The following SLC24A2 variants were observed in gnomAD, a reference collection of about 807,000 sequenced individuals.
The protein encoded by SLC24A2 is solute carrier family 24 member 2.
A neutral mutation model predicts 62.0 loss-of-function variants in SLC24A2; 36 were observed. The ratio of observed to expected loss-of-function variants is 0.58; its 90% CI spans 0.44 to 0.77. The LOEUF is 0.77. Ranked by LOEUF, SLC24A2 falls within the 30% of genes least tolerant of loss-of-function variation. SLC24A2 has a pLI of 0.00. For missense variants in SLC24A2, 846 were observed against 817.9 expected (o/e 1.03, Z -0.42); for synonymous variants, 358 against 294.0 (o/e 1.22, Z -2.23).
the SLC24A2 span, among the ~76,000 whole-genome samples, chr9:19,805,048 A>G: frequency 1.1e-4 from 16 of 152,160 alleles, no homozygotes; most frequent in African/African-American, 3.9e-4. Context: ...AGCTGACATA[A>G]TTTGACAAAC....
chr9:19,877,244 G>C, the SLC24A2 span, among the ~76,000 whole-genome samples: 5 of 150,290 alleles, frequency 3.3e-5, no homozygotes, highest in African/African-American at 1.2e-4. Flanking sequence ...TGGGAAGCAA[G>C]CTGGAGACTG....
chr9:20,290,081 G>A, the SLC24A2 span, among the ~76,000 whole-genome samples: 6 of 152,220 alleles, frequency 3.9e-5, no homozygotes, highest in Non-Finnish European at 7.4e-5. Context: ...TCTTCGCCCT[G>A]CACCCAACCC....
chr9:19,668,252 T>G (rs1325395044), intron 2 of SLC24A2, among the ~76,000 whole-genome samples: 1 of 152,158 alleles, frequency 6.6e-6, no homozygotes, highest in Non-Finnish European at 1.5e-5. Flanking sequence ...TCTTCTTATC[T>G]TTGTCTTATA....
intron 4 of SLC24A2, among the ~76,000 whole-genome samples, chr9:19,616,271 T>A (rs1275925140): frequency 6.6e-6 from 1 of 152,256 alleles, no homozygotes; most frequent in Non-Finnish European, 1.5e-5. Flanking sequence ...TAAGATGTGC[T>A]AGGCTGTGTA....
At chr9:19,998,463 G>A in the SLC24A2 span, among the ~76,000 whole-genome samples, 1 of 152,156 alleles carries the variant, frequency 6.6e-6, no homozygotes, top group African/African-American at 2.4e-5. Flanking sequence ...TGTAGCTCCA[G>A]CATTTCTTTT....
At chr9:19,969,183 CCA>C in the SLC24A2 span, among the ~76,000 whole-genome samples, 2,030 of 122,234 alleles carry the variant, frequency 0.017, 40 homozygotes, top group Admixed American at 0.046. Context: ...ACCTCCTTTG[CCA>C]CACACACACA....
At chr9:19,869,276 C>A in the SLC24A2 span, among the ~76,000 whole-genome samples, 2 of 152,220 alleles carry the variant, frequency 1.3e-5, no homozygotes, top group Non-Finnish European at 1.5e-5. Flanking sequence ...CTACTGCACC[C>A]AGTCTATTTA....
At chr9:19,588,121 A>G (rs1285107647) in intron 5 of SLC24A2, among the ~76,000 whole-genome samples, 6 of 151,450 alleles carry the variant, frequency 4.0e-5, no homozygotes, top group Admixed American at 2.0e-4. Flanking sequence ...ATAAGAATAC[A>G]TCTCTGAAGC....
At chr9:19,802,071 A>G in the SLC24A2 span, among the ~76,000 whole-genome samples, 1 of 152,220 alleles carries the variant, frequency 6.6e-6, no homozygotes, top group East Asian at 1.9e-4. Context: ...GATTTATAAT[A>G]TAAACTTTAG....
At chr9:20,154,463 C>T in the SLC24A2 span, among the ~76,000 whole-genome samples, 5 of 151,560 alleles carry the variant, frequency 3.3e-5, no homozygotes, top group East Asian at 2.0e-4. Context: ...TCACTAGATG[C>T]GAAAGAAATG....
intron 2 of SLC24A2, among the ~76,000 whole-genome samples, chr9:19,725,560 A>C (rs1821145460): frequency 6.6e-6 from 1 of 152,188 alleles, no homozygotes; most frequent in Non-Finnish European, 1.5e-5. Context: ...TTCGTTATAT[A>C]CAGCACAGCA....
chr9:20,079,660 G>C, the SLC24A2 span, among the ~76,000 whole-genome samples: 1 of 152,240 alleles, frequency 6.6e-6, no homozygotes, highest in East Asian at 1.9e-4. Context: ...GTATGTCTGT[G>C]GGATAAATTC....
At chr9:19,997,362 T>C in the SLC24A2 span, among the ~76,000 whole-genome samples, 1 of 152,238 alleles carries the variant, frequency 6.6e-6, no homozygotes, top group African/African-American at 2.4e-5. Context: ...AAAGTAAGTT[T>C]ACTTTACAGT....
the SLC24A2 span, among the ~76,000 whole-genome samples, chr9:20,224,771 G>T: frequency 2.4e-4 from 36 of 152,208 alleles, no homozygotes; most frequent in Admixed American, 2.4e-3. Context: ...AGTCCATGCT[G>T]TTGGGGCCCT....
At chr9:19,536,137 CTGTT>C (rs536823557) in intron 8 of SLC24A2, among the ~76,000 whole-genome samples, 538 of 141,598 alleles carry the variant, frequency 3.8e-3, no homozygotes, top group Middle Eastern at 7.4e-3. Context: ...ATTTGGCTCT[CTGTT>C]TGTCTTTTTT....
In SLC24A2 at chr9:19,766,972, T is replaced by G. The variant is rs565074760; in HGVS notation, c.930+18965A>C. 4.6e-5 allele frequency among the ~76,000 whole-genome samples: 7 copies of G among 152,304 alleles called. No homozygotes were observed. In the East Asian group the frequency reaches 1.2e-3, roughly 25 times the overall value. ...AGTCCCTGACTGAGGCTGCTACCTT[T>G]CTTTCAGTGATGCCCTGCCCAGAGA... On this transcript the variant is annotated intron_variant, in intron 2 of 10. Coordinates refer to ENST00000341998, the MANE Select transcript of SLC24A2 (RefSeq NM_020344.4).
At chr9:20,286,488 C>A in the SLC24A2 span, among the ~76,000 whole-genome samples, 71 of 152,314 alleles carry the variant, frequency 4.7e-4, no homozygotes, top group African/African-American at 1.7e-3. Flanking sequence ...GCAAAAGGCA[C>A]AGGACAACTC....
chr9:19,543,701 C>T (rs994794458), intron 8 of SLC24A2, among the ~76,000 whole-genome samples: 1 of 152,188 alleles, frequency 6.6e-6, no homozygotes, highest in Non-Finnish European at 1.5e-5. Flanking sequence ...AGTAGTCATT[C>T]AGGAGCATGT....
chr9:20,165,633 T>C, the SLC24A2 span, among the ~76,000 whole-genome samples: 1 of 151,826 alleles, frequency 6.6e-6, no homozygotes, highest in Non-Finnish European at 1.5e-5. Flanking sequence ...TACACAAGAA[T>C]AAACTCTAAA....
Sources: allele counts gnomAD v4.1 joint callset (sites outside exome capture counted in the v4.1 genomes callset), GRCh38; gene constraint gnomAD v4.1.1; transcripts MANE v1.5; gene names NCBI Gene and HGNC (gene_info 2026-07-23, HGNC 2026-07-21).